LRRTM4: variants seen among roughly 807,000 people sequenced by gnomAD.
LRRTM4 encodes the protein leucine rich repeat transmembrane neuronal 4, also known as leucine-rich repeat transmembrane neuronal protein 4.
Under a neutral mutation model 47.6 loss-of-function variants are expected in LRRTM4, and 25 were observed. The ratio of observed to expected loss-of-function variants is 0.53; its 90% CI spans 0.38 to 0.73. The LOEUF (loss-of-function observed/expected upper bound fraction) is 0.73, where lower values mean the gene tolerates loss of function less well. LRRTM4 is among the 30% of genes least tolerant of loss of function. The pLI, the probability that LRRTM4 is intolerant of heterozygous loss-of-function variation, is 0.00. For missense variants in LRRTM4, 638 were observed against 713.4 expected, an observed-to-expected ratio of 0.89 and a Z score of 1.20; for synonymous variants, 311 against 269.5, an observed-to-expected ratio of 1.15 and a Z score of -1.51.
intron 3 of LRRTM4, among the ~76,000 whole-genome samples, chr2:77,299,069 A>G (rs1188916663): frequency 6.6e-6 from 1 of 152,156 alleles, no homozygotes; most frequent in African/African-American, 2.4e-5. Context: ...TCTATATTTA[A>G]TGAGACACAG....
At chr2:77,065,109 G>C (rs1679911215) in intron 3 of LRRTM4, among the ~76,000 whole-genome samples, 3 of 152,070 alleles carry the variant, frequency 2.0e-5, no homozygotes, top group South Asian at 2.1e-4. Flanking sequence ...CAAGTATTAT[G>C]ATGGGCAATT....
chr2:76,942,387 G>T (rs181833024), intron 3 of LRRTM4, among the ~76,000 whole-genome samples: 4 of 152,086 alleles, frequency 2.6e-5, no homozygotes, highest in Admixed American at 2.6e-4. Context: ...CATAGTATGT[G>T]CCAGCTGACG....
chr2:76,769,415 C>A (rs1240430739), intron 3 of LRRTM4, among the ~76,000 whole-genome samples: 1 of 151,862 alleles, frequency 6.6e-6, no homozygotes, highest in East Asian at 1.9e-4. Flanking sequence ...TCTGTGAACA[C>A]AAACTTCTCT....
intron 3 of LRRTM4, among the ~76,000 whole-genome samples, chr2:77,421,982 G>A (rs1371008904): frequency 1.3e-5 from 2 of 152,078 alleles, no homozygotes; most frequent in Non-Finnish European, 2.9e-5. Context: ...TTACCATTTT[G>A]TTATAATTGT....
intron 3 of LRRTM4, among the ~76,000 whole-genome samples, chr2:77,432,028 G>T (rs1675398399): frequency 6.6e-6 from 1 of 151,988 alleles, no homozygotes; most frequent in Admixed American, 6.6e-5. Context: ...GAGCCTAGAT[G>T]GTGCCACTGC....
chr2:77,441,124 T>A (rs1675821748), intron 3 of LRRTM4, among the ~76,000 whole-genome samples: 2 of 152,248 alleles, frequency 1.3e-5, no homozygotes, highest in Non-Finnish European at 1.5e-5. Flanking sequence ...TAAACATTCC[T>A]ATCACACCAT....
At chr2:76,861,311 T>A (rs1369927081) in intron 3 of LRRTM4, among the ~76,000 whole-genome samples, 2 of 152,148 alleles carry the variant, frequency 1.3e-5, no homozygotes, top group Non-Finnish European at 2.9e-5. Flanking sequence ...GCTAAAAGAC[T>A]GCATTATTTT....
chr2:77,085,634 C>T (rs940905250), intron 3 of LRRTM4, among the ~76,000 whole-genome samples: 11 of 151,960 alleles, frequency 7.2e-5, no homozygotes, highest in Non-Finnish European at 1.3e-4. Context: ...TACCATTTTC[C>T]GCTTGACACA....
intron 3 of LRRTM4, among the ~76,000 whole-genome samples, chr2:77,368,105 C>T (rs747048186): frequency 2.0e-5 from 3 of 151,620 alleles, no homozygotes; most frequent in Non-Finnish European, 2.9e-5. Flanking sequence ...TCTGTATGCT[C>T]TTGGTGGTGG....
intron 3 of LRRTM4, among the ~76,000 whole-genome samples, chr2:77,370,347 C>T (rs2103767309): frequency 6.6e-6 from 1 of 151,780 alleles, no homozygotes; most frequent in Admixed American, 6.6e-5. Context: ...ATAGAGAGCC[C>T]ACTAACTTAC....
chr2:77,368,617 T>C (rs1357145667), intron 3 of LRRTM4, among the ~76,000 whole-genome samples: 7 of 151,814 alleles, frequency 4.6e-5, no homozygotes, highest in African/African-American at 1.7e-4. Flanking sequence ...GAAAACATTA[T>C]TTTGCATTAT....
intron 3 of LRRTM4, among the ~76,000 whole-genome samples, chr2:77,495,183 T>A (rs889893502): frequency 6.9e-6 from 1 of 144,138 alleles, no homozygotes; most frequent in Non-Finnish European, 1.6e-5. Flanking sequence ...GCTAAGTACC[T>A]GGTTAGGTTC....
intron 3 of LRRTM4, among the ~76,000 whole-genome samples, chr2:77,422,312 A>G (rs1040578914): frequency 1.3e-5 from 2 of 152,218 alleles, no homozygotes; most frequent in South Asian, 4.1e-4. Context: ...ATTCATTATT[A>G]TGGCTGTTAA....
At chr2:77,433,532 T>A (rs555359290) in intron 3 of LRRTM4, among the ~76,000 whole-genome samples, 1 of 152,176 alleles carries the variant, frequency 6.6e-6, no homozygotes, top group Non-Finnish European at 1.5e-5. Context: ...ACTATGCCTA[T>A]AAAGTTTGCT....
At chr2:76,960,473 C>T (rs546611003) in intron 3 of LRRTM4, among the ~76,000 whole-genome samples, 1 of 151,596 alleles carries the variant, frequency 6.6e-6, no homozygotes, top group East Asian at 2.0e-4. Context: ...TGGACTTGTA[C>T]CATCTCTTTA....
chr2:76,846,420 ATAT>A (rs1671839091), intron 3 of LRRTM4, among the ~76,000 whole-genome samples: 1 of 152,090 alleles, frequency 6.6e-6, no homozygotes, highest in Non-Finnish European at 1.5e-5. Context: ...AATCACAAAC[ATAT>A]TATTAAAATG....
intron 3 of LRRTM4, among the ~76,000 whole-genome samples, chr2:77,158,978 T>C (rs1672634625): frequency 6.6e-6 from 1 of 152,326 alleles, no homozygotes; most frequent in Admixed American, 6.5e-5. Context: ...ATATGCTTGT[T>C]ATATTTCCCC....
chr2:77,398,960 A>T (rs1240793257), intron 3 of LRRTM4, among the ~76,000 whole-genome samples: 5 of 151,758 alleles, frequency 3.3e-5, no homozygotes, highest in African/African-American at 1.2e-4. Context: ...GGGGGAAGGT[A>T]GATACTAATT....
intron 3 of LRRTM4, among the ~76,000 whole-genome samples, chr2:77,082,744 C>T (rs1048444630): frequency 3.3e-5 from 5 of 151,938 alleles, no homozygotes; most frequent in African/African-American, 1.2e-4. Context: ...GAAAAAAAGT[C>T]TATTTTGAAC....
Sources: allele counts gnomAD v4.1 joint callset (sites outside exome capture counted in the v4.1 genomes callset), GRCh38; gene constraint gnomAD v4.1.1; transcripts MANE v1.5; gene names NCBI Gene and HGNC (gene_info 2026-07-23, HGNC 2026-07-21).